Variants in TMEM132B observed in about 807,000 individuals in gnomAD.
The protein encoded by TMEM132B is transmembrane protein 132B.
A neutral mutation model predicts 90.8 loss-of-function variants in TMEM132B; 18 were observed. That is an observed-to-expected ratio of 0.20 (90% CI 0.14 to 0.29). The LOEUF is 0.29. TMEM132B is among the 10% of genes least tolerant of loss of function. TMEM132B has a pLI of 1.00. For missense variants in TMEM132B, 1,096 were observed against 1,326.8 expected (o/e 0.83, Z 2.70); for synonymous variants, 504 against 523.3 (o/e 0.96, Z 0.50).
At chr12:125,270,121 TG>T (rs1874798539) in intron 1 of TMEM132B, among the ~76,000 whole-genome samples, 1 of 150,464 alleles carries the variant, frequency 6.6e-6, no homozygotes, top group Non-Finnish European at 1.5e-5. Flanking sequence ...GTTGTGTGTG[TG>T]TGTGTGTGTG....
intron 4 of TMEM132B, among the ~76,000 whole-genome samples, chr12:125,563,820 C>T (rs1884601230): frequency 6.6e-6 from 1 of 152,136 alleles, no homozygotes; most frequent in African/African-American, 2.4e-5. Flanking sequence ...TGTGAAGATG[C>T]AGGCACCTTG....
At chr12:125,583,749 G>A (rs1360367610) in intron 4 of TMEM132B, 102 bp from the exon 5 acceptor site, 7 of 1,386,122 alleles carry the variant, frequency 5.1e-6, no homozygotes, top group South Asian at 4.0e-5. Flanking sequence ...CTAAATCGCA[G>A]AACGAGAATG....
chr12:125,618,672 G>GTT (rs143701611), intron 5 of TMEM132B, among the ~76,000 whole-genome samples: 3 of 151,130 alleles, frequency 2.0e-5, no homozygotes, highest in African/African-American at 7.3e-5. Flanking sequence ...TCCTTTAAAT[G>GTT]TTTTTTTTTA....
chr12:125,563,599 A>AAACAAAC (rs1555258801), intron 4 of TMEM132B, among the ~76,000 whole-genome samples: 2 of 113,320 alleles, frequency 1.8e-5, no homozygotes, highest in African/African-American at 6.4e-5. Context: ...ACAAACAAAC[A>AAACAAAC]AAAAAAAACC....
intron 5 of TMEM132B, among the ~76,000 whole-genome samples, chr12:125,623,252 G>A (rs745949476): frequency 6.6e-6 from 1 of 152,118 alleles, no homozygotes; most frequent in African/African-American, 2.4e-5. Context: ...TGAAATAAAT[G>A]CCAAAATGAA....
At chr12:125,476,904 A>T (rs1881896610) in intron 3 of TMEM132B, among the ~76,000 whole-genome samples, 1 of 152,098 alleles carries the variant, frequency 6.6e-6, no homozygotes, top group Non-Finnish European at 1.5e-5. Context: ...TCTGAGCTTT[A>T]TTCTCATTGA....
At chr12:125,200,521 T>C (rs1489414652) in intron 1 of TMEM132B, among the ~76,000 whole-genome samples, 1 of 152,194 alleles carries the variant, frequency 6.6e-6, no homozygotes, top group Admixed American at 6.5e-5. Flanking sequence ...GTGTAGCTAG[T>C]GAATTTCCTC....
At chr12:125,300,675 G>A (rs1020975526) in intron 1 of TMEM132B, among the ~76,000 whole-genome samples, 1 of 152,220 alleles carries the variant, frequency 6.6e-6, no homozygotes, top group African/African-American at 2.4e-5. Flanking sequence ...AACTCCATGA[G>A]GTAGGAGGAG....
intron 1 of TMEM132B, among the ~76,000 whole-genome samples, chr12:125,276,064 C>T (rs910453911): frequency 6.6e-6 from 1 of 152,208 alleles, no homozygotes; most frequent in African/African-American, 2.4e-5. Flanking sequence ...AACATCTTCT[C>T]AGTATCCATG....
Position 125,209,590 on chromosome 12 carries a change from G to A in TMEM132B, c.67+22724G>A, listed in dbSNP as rs1358968231. On this transcript the variant is annotated intron_variant, in intron 1 of 8. Coordinates refer to ENST00000682704, the MANE Select transcript of TMEM132B (RefSeq NM_001366854.1). The surrounding 1 kb of genome is among the most constrained non-coding windows in gnomAD (Gnocchi z 4.4). ...GGTGCTGGTCACGCTTGGGAGCATG[G>A]AGACACTCGTTCCTTGTCTCTCCAA... Among the ~76,000 whole-genome samples, 1 of 152,178 alleles carries A rather than the reference G, an allele frequency of 6.6e-6. No homozygotes were observed. Among genetic ancestry groups the A allele is most frequent in the East Asian group, 1.9e-4 (1 of 5,188 alleles).
chr12:125,325,740 T>TTTG (rs1351931204), intron 1 of TMEM132B, among the ~76,000 whole-genome samples: 1 of 151,586 alleles, frequency 6.6e-6, no homozygotes, highest in African/African-American at 2.4e-5. Context: ...AGAACTTTGT[T>TTTG]TTGTTGTCGT....
chr12:125,546,437 C>G (rs1843153039), intron 4 of TMEM132B, among the ~76,000 whole-genome samples: 2 of 152,216 alleles, frequency 1.3e-5, no homozygotes, highest in South Asian at 4.1e-4. Flanking sequence ...CTGTCTTGGC[C>G]TCCCAAAGTG....
intron 1 of TMEM132B, among the ~76,000 whole-genome samples, chr12:125,268,058 C>T (rs1469124310): frequency 6.6e-6 from 1 of 152,038 alleles, no homozygotes; most frequent in Non-Finnish European, 1.5e-5. Context: ...CCAGCCTGAG[C>T]AACTTAGCAA....
intron 2 of TMEM132B, among the ~76,000 whole-genome samples, chr12:125,396,479 A>G (rs1420091999): frequency 6.6e-6 from 1 of 152,126 alleles, no homozygotes; most frequent in African/African-American, 2.4e-5. Context: ...TAATCCCTGC[A>G]GTGACACTGT....
chr12:125,375,503 A>G (rs1236857210), intron 2 of TMEM132B, among the ~76,000 whole-genome samples: 2 of 152,222 alleles, frequency 1.3e-5, no homozygotes. Context: ...TTTGCTTTTC[A>G]TCTTGAAAGA....
intron 1 of TMEM132B, among the ~76,000 whole-genome samples, chr12:125,189,601 TGTC>T (rs986714027): frequency 1.3e-5 from 2 of 152,012 alleles, no homozygotes; most frequent in African/African-American, 2.4e-5. Flanking sequence ...GGTATGCAAA[TGTC>T]GTCGCCTTCT....
intron 3 of TMEM132B, among the ~76,000 whole-genome samples, chr12:125,427,519 A>G (rs957124643): frequency 1.1e-4 from 16 of 152,158 alleles, no homozygotes; most frequent in African/African-American, 3.6e-4. Context: ...TTTAAGTCCA[A>G]CGCTCTTTTC....
intron 3 of TMEM132B, among the ~76,000 whole-genome samples, chr12:125,427,939 TGG>T (rs1445489360): frequency 6.6e-6 from 1 of 152,074 alleles, no homozygotes; most frequent in Non-Finnish European, 1.5e-5. Context: ...AGATTTCTGA[TGG>T]GGTGTTGAAG....
At chr12:125,528,538 A>T (rs1284675272) in intron 4 of TMEM132B, among the ~76,000 whole-genome samples, 1 of 152,186 alleles carries the variant, frequency 6.6e-6, no homozygotes, top group Non-Finnish European at 1.5e-5. Flanking sequence ...TTCTGTGCCG[A>T]GCACTGTTCT....
Sources: allele counts gnomAD v4.1 joint callset (sites outside exome capture counted in the v4.1 genomes callset), GRCh38; gene constraint gnomAD v4.1.1; non-coding constraint Gnocchi (gnomAD v3.1); transcripts MANE v1.5; gene names NCBI Gene and HGNC (gene_info 2026-07-23, HGNC 2026-07-21).